The following CNTN5 variants were observed in gnomAD, a reference collection of about 807,000 sequenced individuals.
CNTN5 encodes contactin-5.
In CNTN5, 77 loss-of-function variants were observed where a neutral mutation model predicts 129.1. The ratio of observed to expected loss-of-function variants is 0.60; its 90% CI spans 0.50 to 0.72. The LOEUF (loss-of-function observed/expected upper bound fraction) is 0.72, where lower values mean the gene tolerates loss of function less well. CNTN5 is among the 30% of genes least tolerant of loss of function. CNTN5 has a pLI of 0.00. For synonymous variants in CNTN5, 509 were observed against 465.6 expected, an observed-to-expected ratio of 1.09 and a Z score of -1.20; for missense variants, 1,478 against 1,328.8, an observed-to-expected ratio of 1.11 and a Z score of -1.75.
At chr11:100,155,811 TTATTTGTG>T (rs1451835749) in intron 13 of CNTN5, among the ~76,000 whole-genome samples, 3 of 152,090 alleles carry the variant, frequency 2.0e-5, no homozygotes, top group African/African-American at 7.2e-5. Flanking sequence ...GATTGGGCTA[TTATTTGTG>T]TATAAGAATG....
chr11:100,026,055 C>A (rs1941403812), intron 9 of CNTN5, among the ~76,000 whole-genome samples: 1 of 152,012 alleles, frequency 6.6e-6, no homozygotes, highest in Non-Finnish European at 1.5e-5. Flanking sequence ...GGGTTTGTGT[C>A]CCCACCCAAA....
chr11:100,181,366 A>G (rs1390761619), intron 13 of CNTN5, among the ~76,000 whole-genome samples: 1 of 152,006 alleles, frequency 6.6e-6, no homozygotes, highest in African/African-American at 2.4e-5. Context: ...TGGAAAAATA[A>G]TATTATAAAT....
At chr11:99,827,712 T>C (rs1947009937) in intron 4 of CNTN5, among the ~76,000 whole-genome samples, 1 of 152,196 alleles carries the variant, frequency 6.6e-6, no homozygotes, top group African/African-American at 2.4e-5. Context: ...TTTTAGAGGC[T>C]TATTAACAGA....
chr11:99,249,176 T>C (rs1008896496), intron 1 of CNTN5, among the ~76,000 whole-genome samples: 9 of 152,016 alleles, frequency 5.9e-5, no homozygotes, highest in Admixed American at 1.3e-4. Context: ...TGAAGAGGTC[T>C]TTCATGTCCC....
At chr11:100,080,002 G>A (rs1944296607) in intron 13 of CNTN5, among the ~76,000 whole-genome samples, 2 of 152,066 alleles carry the variant, frequency 1.3e-5, no homozygotes, top group African/African-American at 4.8e-5. Flanking sequence ...ACTTTTTGTG[G>A]ACAAAGACAA....
chr11:99,970,906 A>G (rs1021375360), intron 8 of CNTN5, among the ~76,000 whole-genome samples: 10 of 151,854 alleles, frequency 6.6e-5, no homozygotes, highest in Admixed American at 1.3e-4. Flanking sequence ...CAGTTTTCTG[A>G]CTCCATAATT....
intron 2 of CNTN5, among the ~76,000 whole-genome samples, chr11:99,464,722 G>C (rs920657510): frequency 5.3e-5 from 8 of 152,110 alleles, no homozygotes; most frequent in Non-Finnish European, 8.8e-5. Flanking sequence ...GGATTAATTT[G>C]AGGTTGTTGG....
chr11:100,299,268 C>T lies in CNTN5; in HGVS notation c.2492C>T (p.Ala831Val), dbSNP rs775215082. Residue 831 changes from alanine (A) to valine (V), a missense_variant, in exon 20 of 25, where the codon GCT (alanine) becomes GTT (valine). Ala to Val is a moderately conservative substitution (Grantham distance 64). Coordinates refer to ENST00000524871, the MANE Select transcript of CNTN5 (RefSeq NM_014361.4). ...WKEKMVTSSE[A>V]SKFIYRDESV... is the part of the protein sequence containing the mutation. ...GAAAAAATGGTGACATCCTCTGAAG[C>T]TTCCAAATTCATTTATCGAGATGAA... 1 of 1,610,674 alleles carries T rather than the reference C, an allele frequency of 6.2e-7. No individual in the cohort carries two copies. The highest frequency in any genetic ancestry group is 1.1e-5 in the South Asian group (1 of 91,014).
At position 99,819,726 on chromosome 11, in the gene CNTN5, A is replaced by C. The variant is rs201682523; in HGVS notation, c.238A>C (p.Ile80Leu). ...GGCAGCTCAGAATTATTATTCCCCC[A>C]TCAATCTTTATCATTCCTCAGATGC... ...LGAAQNYYSP[I>L]NLYHSSDAFK... Residue 80 changes from isoleucine to leucine, a missense_variant, in exon 4 of 25, where the codon ATC (isoleucine) becomes CTC (leucine). Ile to Leu is a conservative substitution (Grantham distance 5). Transcript: ENST00000524871. 1 of 1,609,260 alleles carries C rather than the reference A, an allele frequency of 6.2e-7. No homozygotes were observed. Among genetic ancestry groups the C allele is most frequent in the Non-Finnish European group, 8.5e-7 (1 of 1,178,104 alleles).
chr11:99,791,588 T>C (rs1945744980), intron 3 of CNTN5, among the ~76,000 whole-genome samples: 1 of 152,218 alleles, frequency 6.6e-6, no homozygotes, highest in South Asian at 2.1e-4. Flanking sequence ...AGGATTGCCT[T>C]GGCTATTCAA....
chr11:99,884,186 A>G (rs1948839996), intron 6 of CNTN5, among the ~76,000 whole-genome samples: 1 of 152,188 alleles, frequency 6.6e-6, no homozygotes, highest in Admixed American at 6.5e-5. Flanking sequence ...AACATGAACT[A>G]TATATGAAAT....
chr11:99,699,322 A>G (rs148108121), intron 3 of CNTN5, among the ~76,000 whole-genome samples: 4 of 151,470 alleles, frequency 2.6e-5, no homozygotes, highest in South Asian at 4.1e-4. Context: ...TAAAATTAAC[A>G]TCTAAAAAAC....
At chr11:100,293,533 C>T (rs1023886234) in intron 18 of CNTN5, among the ~76,000 whole-genome samples, 10 of 151,544 alleles carry the variant, frequency 6.6e-5, no homozygotes, top group South Asian at 2.1e-4. Flanking sequence ...TTCTCTTTTT[C>T]GAATCTAAAC....
intron 13 of CNTN5, among the ~76,000 whole-genome samples, chr11:100,168,866 A>G (rs946795497): frequency 9.2e-5 from 14 of 151,992 alleles, no homozygotes; most frequent in Non-Finnish European, 1.2e-4. Context: ...AAGAACATTC[A>G]TAGTTCATGG....
At chr11:100,131,610 A>G (rs1303482883) in intron 13 of CNTN5, among the ~76,000 whole-genome samples, 1 of 152,042 alleles carries the variant, frequency 6.6e-6, no homozygotes, top group African/African-American at 2.4e-5. Context: ...TATAAATGAA[A>G]AGGGAACAAA....
chr11:99,488,941 A>C (rs993671991), intron 2 of CNTN5, among the ~76,000 whole-genome samples: 1 of 152,204 alleles, frequency 6.6e-6, no homozygotes, highest in Admixed American at 6.5e-5. Context: ...AGAAAGTATT[A>C]GACTACTATT....
chr11:99,918,683 G>A (rs1245336795), intron 7 of CNTN5, among the ~76,000 whole-genome samples: 1 of 152,134 alleles, frequency 6.6e-6, no homozygotes, highest in Non-Finnish European at 1.5e-5. Flanking sequence ...GTACAGTATA[G>A]CATAGTGTAC....
chr11:99,385,324 C>T (rs1463726849), intron 2 of CNTN5, among the ~76,000 whole-genome samples: 1 of 152,130 alleles, frequency 6.6e-6, no homozygotes, highest in Non-Finnish European at 1.5e-5. Flanking sequence ...CCGCCCCACC[C>T]CTCACTGCCA....
At chr11:99,891,766 T>C (rs1024963326) in intron 6 of CNTN5, among the ~76,000 whole-genome samples, 1 of 152,210 alleles carries the variant, frequency 6.6e-6, no homozygotes, top group African/African-American at 2.4e-5. Flanking sequence ...GTCTTTGCTA[T>C]TGTGAATAGT....
Sources: gnomAD v4.1 joint callset for allele counts (sites outside exome capture counted in the v4.1 genomes callset) on GRCh38, gnomAD v4.1.1 for gene constraint, MANE v1.5 for transcripts, NCBI Gene and HGNC (gene_info 2026-07-23, HGNC 2026-07-21) for gene names.